The following GNAQ variants were observed in gnomAD, a reference collection of about 807,000 sequenced individuals.
GNAQ encodes the protein G protein subunit alpha q.
GNAQ carries 8 observed loss-of-function variants against 43.9 expected under a neutral mutation model. The observed-to-expected ratio is 0.18, with a 90% confidence interval of 0.11 to 0.33. GNAQ has a LOEUF of 0.33. GNAQ is among the 10% of genes least tolerant of loss of function. The probability of loss-of-function intolerance (pLI) is 1.00; values close to 1 mark genes in which losing one functional copy is unlikely to be tolerated. For synonymous variants in GNAQ, 155 were observed against 170.7 expected (o/e 0.91, Z 0.71); for missense variants, 158 against 450.8 (o/e 0.35, Z 5.88).
At chr9:77,850,090 T>C (rs936639182) in intron 2 of GNAQ, among the ~76,000 whole-genome samples, 41 of 152,228 alleles carry the variant, frequency 2.7e-4, no homozygotes, top group African/African-American at 9.7e-4. Flanking sequence ...AGGCCAGTAC[T>C]TCCAAATGTC....
chr9:77,923,814 AGAAG>A, intron 1 of GNAQ, among the ~76,000 whole-genome samples: 2 of 152,262 alleles, frequency 1.3e-5, no homozygotes, highest in Admixed American at 1.3e-4. Context: ...AAGGAAGGAA[AGAAG>A]GAAGAGAGGG....
rs563129668 is a variant in GNAQ at position 77,843,409 on chromosome 9, T to A, written c.322-27639A>T. On this transcript the variant is annotated intron_variant, in intron 2 of 6. Transcript: ENST00000286548. ...CCTTATAGAGCTGGCCTGGTTTTAC[T>A]GGTCAAGGCCCAGTAAAATAATTTC... 2.1e-4 allele frequency among the ~76,000 whole-genome samples: 32 copies of A among 152,334 alleles called. 2 individuals are homozygous for A. In the South Asian group the frequency reaches 4.8e-3, roughly 23 times the overall value.
intron 1 of GNAQ, among the ~76,000 whole-genome samples, chr9:77,930,218 A>G (rs1252541058): frequency 6.6e-6 from 1 of 152,170 alleles, no homozygotes; most frequent in Non-Finnish European, 1.5e-5. Flanking sequence ...TGAAAAGACT[A>G]TATTTTTTAA....
At chr9:77,923,230 G>A (rs906424172) in intron 1 of GNAQ, among the ~76,000 whole-genome samples, 1 of 152,136 alleles carries the variant, frequency 6.6e-6, no homozygotes, top group African/African-American at 2.4e-5. Context: ...TATTTCTGGT[G>A]GGAGGTTGGT....
intron 2 of GNAQ, among the ~76,000 whole-genome samples, chr9:77,920,415 T>C (rs941274639): frequency 2.0e-5 from 3 of 152,016 alleles, no homozygotes; most frequent in African/African-American, 2.4e-5. Context: ...AAAAAACAAA[T>C]AGCACACACA....
intron 1 of GNAQ, among the ~76,000 whole-genome samples, chr9:78,021,846 T>C (rs1009119550): frequency 6.6e-6 from 1 of 152,202 alleles, no homozygotes; most frequent in Non-Finnish European, 1.5e-5. Flanking sequence ...GGAAGCTGCT[T>C]GAGGATACGG....
intron 5 of GNAQ, among the ~76,000 whole-genome samples, chr9:77,762,676 G>C (rs1826067520): frequency 6.6e-6 from 1 of 152,036 alleles, no homozygotes; most frequent in Admixed American, 6.5e-5. Flanking sequence ...GTGGGGAAAA[G>C]ATTGAGAAAT....
chr9:77,828,755 G>T (rs1827248067), intron 2 of GNAQ, among the ~76,000 whole-genome samples: 1 of 152,184 alleles, frequency 6.6e-6, no homozygotes, highest in Non-Finnish European at 1.5e-5. Flanking sequence ...ACAATGACCA[G>T]TACAGGACAG....
chr9:78,000,551 A>G (rs1404162924), intron 1 of GNAQ, among the ~76,000 whole-genome samples: 1 of 152,208 alleles, frequency 6.6e-6, no homozygotes, highest in Non-Finnish European at 1.5e-5. Flanking sequence ...GAGAAAAGTA[A>G]GTGGAAAATG....
chr9:77,997,478 C>T (rs896499716), intron 1 of GNAQ, among the ~76,000 whole-genome samples: 30 of 152,154 alleles, frequency 2.0e-4, no homozygotes, highest in African/African-American at 7.0e-4. Context: ...TGCTGCTGTG[C>T]TTTTTCCCCA....
At chr9:78,019,230 A>G (rs1823875034) in intron 1 of GNAQ, among the ~76,000 whole-genome samples, 1 of 152,230 alleles carries the variant, frequency 6.6e-6, no homozygotes, top group African/African-American at 2.4e-5. Context: ...TAAGATGAGA[A>G]AATGCATGGG....
In GNAQ at chr9:77,977,074, C is replaced by G. The variant is rs79785355; in HGVS notation, c.136+54026G>C. ...CCTGCTGGGAGAATCTCAGAGTACC[C>G]CTTTTTATCTCCTTTATCTTGAAAA... is the stretch of plus-strand genomic sequence containing the variant. On this transcript the variant is annotated intron_variant, in intron 1 of 6. Coordinates refer to ENST00000286548, the MANE Select transcript of GNAQ (RefSeq NM_002072.5). Among the ~76,000 whole-genome samples, 630 of 152,290 alleles carry G rather than the reference C, an allele frequency of 4.1e-3. 4 individuals are homozygous for G. The highest frequency in any genetic ancestry group is 0.015 in the African/African-American group (603 of 41,566).
At chr9:77,889,949 A>G (rs943233069) in intron 2 of GNAQ, among the ~76,000 whole-genome samples, 1 of 152,218 alleles carries the variant, frequency 6.6e-6, no homozygotes. Flanking sequence ...TATTAATTTT[A>G]CATGCAAACA....
intron 2 of GNAQ, among the ~76,000 whole-genome samples, chr9:77,912,145 T>C (rs1309249097): frequency 6.6e-6 from 1 of 152,196 alleles, no homozygotes; most frequent in Non-Finnish European, 1.5e-5. Flanking sequence ...TGCTGCCCAA[T>C]ATTAAAACAT....
rs1209719564 is a variant in GNAQ, at chr9:77,961,294, CACA to C, written c.137-38952_137-38950del. 2.0e-5 allele frequency among the ~76,000 whole-genome samples: 3 copies of C among 152,236 alleles called. No homozygotes were observed. In the East Asian group the frequency reaches 5.8e-4, roughly 29 times the overall value. ...CATAACCACACGGCTTCAGTTTCCA[CACA>C]ACAACATGGCAAGGAGGATCCCAAA... is the stretch of plus-strand genomic sequence containing the variant. On this transcript the variant is annotated intron_variant, in intron 1 of 6. Coordinates refer to ENST00000286548, the MANE Select transcript of GNAQ (RefSeq NM_002072.5).
chr9:77,842,499 T>C (rs1276990887), intron 2 of GNAQ, among the ~76,000 whole-genome samples: 2 of 152,144 alleles, frequency 1.3e-5, no homozygotes, highest in Admixed American at 1.3e-4. Context: ...AAAACAACAT[T>C]GTTTTAGAAA....
chr9:77,893,625 G>C (rs905556458), intron 2 of GNAQ, among the ~76,000 whole-genome samples: 9 of 152,134 alleles, frequency 5.9e-5, no homozygotes, highest in Admixed American at 3.9e-4. Flanking sequence ...GACTCACTCT[G>C]AATTATTTCT....
At chr9:77,725,700 T>A (rs538335663) in intron 6 of GNAQ, among the ~76,000 whole-genome samples, 1 of 149,130 alleles carries the variant, frequency 6.7e-6, no homozygotes, top group African/African-American at 2.5e-5. Context: ...AGAAAGGAGG[T>A]ACGTGAAGAG....
intron 5 of GNAQ, among the ~76,000 whole-genome samples, chr9:77,773,935 CA>C (rs1409693768): frequency 6.6e-6 from 1 of 151,844 alleles, no homozygotes; most frequent in African/African-American, 2.4e-5. Flanking sequence ...AAAGCCACAG[CA>C]AATGATTTAA....
Sources: allele counts gnomAD v4.1 joint callset (sites outside exome capture counted in the v4.1 genomes callset), GRCh38; gene constraint gnomAD v4.1.1; transcripts MANE v1.5; gene names NCBI Gene and HGNC (gene_info 2026-07-23, HGNC 2026-07-21).